L3MBTL4: variants seen among roughly 807,000 people sequenced by gnomAD.
L3MBTL4 encodes the protein L3MBTL histone methyl-lysine binding protein 4, also known as lethal(3)malignant brain tumor-like protein 4.
L3MBTL4 carries 70 observed loss-of-function variants against 84.5 expected under a neutral mutation model. That is an observed-to-expected ratio of 0.83 (90% CI 0.68 to 1.01). The LOEUF is 1.01. Ranked by LOEUF, L3MBTL4 falls within the 50% of genes least tolerant of loss-of-function variation. L3MBTL4 has a pLI of 0.00. For missense variants in L3MBTL4, 715 were observed against 754.8 expected (o/e 0.95, Z 0.62); for synonymous variants, 274 against 259.8 (o/e 1.05, Z -0.52).
At position 6,280,810 on chromosome 18, in the gene L3MBTL4, C is replaced by T. The variant is rs573929793; in HGVS notation, c.128-16772G>A. ...CCACAACAGGAGCACAAGAGAGATC[C>T]GACCTTGCTAGTTTTGAAGATGGAG... On this transcript the variant is annotated intron_variant, in intron 4 of 18. Transcript: ENST00000317931. 9.9e-5 allele frequency among the ~76,000 whole-genome samples: 15 copies of T among 152,140 alleles called. No individual in the cohort carries two copies. The South Asian group carries it at 1.0e-3, about 11-fold the overall frequency.
chr18:6,290,491 T>G (rs919776999), intron 4 of L3MBTL4, among the ~76,000 whole-genome samples: 12 of 152,036 alleles, frequency 7.9e-5, no homozygotes, highest in Admixed American at 4.6e-4. Context: ...ATGAATGACT[T>G]TAATTTTACA....
intron 1 of L3MBTL4, among the ~76,000 whole-genome samples, chr18:6,406,429 G>A (rs1388808241): frequency 6.7e-6 from 1 of 149,248 alleles, no homozygotes; most frequent in Non-Finnish European, 1.5e-5. Context: ...TGTAGAGAAT[G>A]TGCTTTTCGA....
At chr18:6,024,962 G>T (rs1035804403) in intron 16 of L3MBTL4, 1 of 152,152 alleles carries the variant, frequency 6.6e-6, no homozygotes, top group Non-Finnish European at 1.5e-5. Flanking sequence ...CACAGAGGGG[G>T]TTTAAAAATA....
At chr18:6,374,161 A>G (rs2054271995) in intron 1 of L3MBTL4, among the ~76,000 whole-genome samples, 1 of 152,164 alleles carries the variant, frequency 6.6e-6, no homozygotes, top group Admixed American at 6.5e-5. Flanking sequence ...CTGAAAATCC[A>G]GCTCTGGAGT....
chr18:6,252,000 A>G (rs2047942058), intron 5 of L3MBTL4, among the ~76,000 whole-genome samples: 1 of 152,210 alleles, frequency 6.6e-6, no homozygotes, highest in African/African-American at 2.4e-5. Context: ...ACCATGGAAT[A>G]CAATGCGGCT....
At chr18:6,244,211 T>C (rs2047565360) in intron 6 of L3MBTL4, among the ~76,000 whole-genome samples, 1 of 152,186 alleles carries the variant, frequency 6.6e-6, no homozygotes, top group Admixed American at 6.5e-5. Context: ...AAAATACCAC[T>C]GGGATTCACA....
intron 1 of L3MBTL4, among the ~76,000 whole-genome samples, chr18:6,348,178 A>G (rs1338759968): frequency 1.3e-5 from 2 of 151,686 alleles, no homozygotes; most frequent in Non-Finnish European, 2.9e-5. Context: ...TACCATATAT[A>G]TGGATTAGAA....
At chr18:6,035,445 G>T (rs1283692683) in intron 16 of L3MBTL4, among the ~76,000 whole-genome samples, 1 of 150,630 alleles carries the variant, frequency 6.6e-6, no homozygotes, top group Non-Finnish European at 1.5e-5. Context: ...GTTTGTCAAA[G>T]ATCAGATAGT....
At chr18:6,379,084 G>A (rs952499561) in intron 1 of L3MBTL4, among the ~76,000 whole-genome samples, 1 of 152,048 alleles carries the variant, frequency 6.6e-6, no homozygotes, top group African/African-American at 2.4e-5. Flanking sequence ...ACTAGCAATT[G>A]TGAATAAGAG....
intron 1 of L3MBTL4, among the ~76,000 whole-genome samples, chr18:6,350,664 G>A (rs916360312): frequency 1.3e-5 from 2 of 152,158 alleles, no homozygotes; most frequent in Non-Finnish European, 2.9e-5. Flanking sequence ...AAACGGTATG[G>A]TGGTTCCTAA....
intron 3 of L3MBTL4, among the ~76,000 whole-genome samples, chr18:6,308,242 T>C (rs2050679097): frequency 1.3e-5 from 2 of 152,088 alleles, no homozygotes; most frequent in Admixed American, 1.3e-4. Context: ...AGGGACCAGA[T>C]CATAAACAGA....
intron 14 of L3MBTL4, among the ~76,000 whole-genome samples, chr18:6,134,600 C>T (rs918499436): frequency 3.3e-5 from 5 of 152,262 alleles, no homozygotes; most frequent in Admixed American, 1.3e-4. Context: ...GGTTACAGGG[C>T]CCATGCAAGT....
At chr18:6,133,113 T>G (rs2059923849) in intron 14 of L3MBTL4, among the ~76,000 whole-genome samples, 1 of 152,250 alleles carries the variant, frequency 6.6e-6, no homozygotes, top group East Asian at 1.9e-4. Context: ...GAAGTACCTG[T>G]CGCTCAAAAT....
chr18:6,102,859 C>T (rs2058878066), intron 14 of L3MBTL4, among the ~76,000 whole-genome samples: 2 of 152,148 alleles, frequency 1.3e-5, no homozygotes, highest in African/African-American at 4.8e-5. Context: ...GGCACATTAT[C>T]TATGCTGTTT....
chr18:6,333,658 C>A (rs974631231), intron 1 of L3MBTL4, among the ~76,000 whole-genome samples: 1 of 151,862 alleles, frequency 6.6e-6, no homozygotes, highest in Non-Finnish European at 1.5e-5. Flanking sequence ...GAGATGTACA[C>A]GTATGTGTTT....
At chr18:5,981,005 C>A (rs2053184834) in intron 16 of L3MBTL4, among the ~76,000 whole-genome samples, 1 of 152,136 alleles carries the variant, frequency 6.6e-6, no homozygotes, top group Admixed American at 6.5e-5. Context: ...TGTCTGTGCC[C>A]ACACCAAATT....
At chr18:6,314,761 A>G (rs2051008337) in intron 1 of L3MBTL4, among the ~76,000 whole-genome samples, 1 of 152,226 alleles carries the variant, frequency 6.6e-6, no homozygotes, top group Admixed American at 6.5e-5. Flanking sequence ...AATAACTAAA[A>G]TAATTCACTG....
At chr18:6,375,175 G>A (rs529967115) in intron 1 of L3MBTL4, among the ~76,000 whole-genome samples, 2 of 151,884 alleles carry the variant, frequency 1.3e-5, no homozygotes, top group African/African-American at 4.8e-5. Context: ...TGCCCCAGTC[G>A]ATACAGGAAC....
At chr18:6,247,073 CATAG>C (rs1298164605) in intron 5 of L3MBTL4, among the ~76,000 whole-genome samples, 4 of 152,104 alleles carry the variant, frequency 2.6e-5, no homozygotes, top group African/African-American at 9.7e-5. Context: ...TGAGCATATA[CATAG>C]ATAGAGAAAC....
Sources: allele counts gnomAD v4.1 joint callset (sites outside exome capture counted in the v4.1 genomes callset), GRCh38; gene constraint gnomAD v4.1.1; transcripts MANE v1.5; gene names NCBI Gene and HGNC (gene_info 2026-07-23, HGNC 2026-07-21).